ZMYM2: variants seen among roughly 807,000 people sequenced by gnomAD.
ZMYM2 encodes the protein zinc finger MYM-type containing 2.
Under a neutral mutation model 162.8 loss-of-function variants are expected in ZMYM2, and 56 were observed. That is an observed-to-expected ratio of 0.34 (90% CI 0.28 to 0.43). The LOEUF (loss-of-function observed/expected upper bound fraction) is 0.43, where lower values mean the gene tolerates loss of function less well. Ranked by LOEUF, ZMYM2 falls within the 20% of genes least tolerant of loss-of-function variation. The pLI, the probability that ZMYM2 is intolerant of heterozygous loss-of-function variation, is 1.00. For missense variants in ZMYM2, 1,275 were observed against 1,621.8 expected, an observed-to-expected ratio of 0.79 and a Z score of 3.67; for synonymous variants, 510 against 541.6, an observed-to-expected ratio of 0.94 and a Z score of 0.81.
chr13:19,923,438 T>G, the ZMYM2 span, among the ~76,000 whole-genome samples: 1 of 150,932 alleles, frequency 6.6e-6, no homozygotes, highest in Non-Finnish European at 1.5e-5. Context: ...TATCCTTTAT[T>G]CATTGATTTG....
chr13:20,050,133 G>C (rs1955183177), intron 12 of ZMYM2, among the ~76,000 whole-genome samples: 1 of 151,658 alleles, frequency 6.6e-6, no homozygotes, highest in Non-Finnish European at 1.5e-5. Flanking sequence ...CAAGTTTTTG[G>C]ACAAGAGTTG....
In ZMYM2 at chr13:20,063,064, G is replaced by C; in HGVS notation, c.3037+93G>C. On this transcript the variant is annotated intron_variant, in intron 18 of 24. Coordinates refer to ENST00000610343, the MANE Select transcript of ZMYM2 (RefSeq NM_197968.4). ...TTGATGTTTGTGTCATTGCCTTTTA[G>C]CAGTGTTCATATTTTTTATTCTTGT... The C allele has an allele frequency of 3.7e-6, 5 of 1,334,232 alleles. No homozygotes were observed. The South Asian group carries it at 7.8e-5, about 21-fold the overall frequency. 82.6% of individuals were successfully genotyped at this position (1,334,232 alleles called of 1,614,324 possible). A position where few individuals can be genotyped will look rare whatever the true frequency, so the allele number is the denominator to read the frequency against.
chr13:20,069,942 G>A (rs1956955454), intron 21 of ZMYM2, among the ~76,000 whole-genome samples: 1 of 151,850 alleles, frequency 6.6e-6, no homozygotes, highest in Non-Finnish European at 1.5e-5. Flanking sequence ...ATAAGATCTA[G>A]TCAAGGGGTT....
intron 21 of ZMYM2, among the ~76,000 whole-genome samples, chr13:20,074,196 TTGTG>T (rs59855358): frequency 0.047 from 6,601 of 141,242 alleles, 289 homozygotes; most frequent in African/African-American, 0.11. Flanking sequence ...ATGTCAGAAT[TTGTG>T]TGTGTGTGTG....
At chr13:20,027,522 T>C (rs1952692864) in intron 9 of ZMYM2, among the ~76,000 whole-genome samples, 1 of 152,188 alleles carries the variant, frequency 6.6e-6, no homozygotes, top group Non-Finnish European at 1.5e-5. Context: ...ATTATAATTA[T>C]TACTCTGATA....
chr13:20,032,120 C>T (rs1215683846), intron 10 of ZMYM2, among the ~76,000 whole-genome samples: 1 of 152,142 alleles, frequency 6.6e-6, no homozygotes, highest in African/African-American at 2.4e-5. Flanking sequence ...ATCCGCCCAC[C>T]TCAGCCTCCC....
chr13:19,921,810 T>C, the ZMYM2 span, among the ~76,000 whole-genome samples: 1 of 152,200 alleles, frequency 6.6e-6, no homozygotes, highest in Non-Finnish European at 1.5e-5. Context: ...GCAAAATTAA[T>C]ATAAGTGGAG....
chr13:20,007,070 T>C (rs1950798824), intron 6 of ZMYM2, among the ~76,000 whole-genome samples: 1 of 152,222 alleles, frequency 6.6e-6, no homozygotes, highest in South Asian at 2.1e-4. Flanking sequence ...CTGCAAATAT[T>C]TCAAACTTTT....
At chr13:20,013,482 G>A (rs1351152329) in intron 6 of ZMYM2, among the ~76,000 whole-genome samples, 1 of 152,182 alleles carries the variant, frequency 6.6e-6, no homozygotes, top group Non-Finnish European at 1.5e-5. Flanking sequence ...GTGTCAAATA[G>A]ATGTGGTGAA....
rs1329707413 is a variant in ZMYM2 at position 19,968,300 on chromosome 13, T to A, written c.-11+8274T>A. 2.6e-5 allele frequency among the ~76,000 whole-genome samples: 4 copies of A among 152,280 alleles called. No individual in the cohort carries two copies. In the East Asian group the frequency reaches 7.7e-4, roughly 29 times the overall value. ...TCTTCTTGCTCAAGCTGGAGCGCAATGGTGTGATCTCGGTCCACTGCAACC... is the reference window on the plus strand; with the variant it reads ...TCTTCTTGCTCAAGCTGGAGCGCAAAGGTGTGATCTCGGTCCACTGCAACC... On this transcript the variant is annotated intron_variant, in intron 2 of 24. Coordinates refer to ENST00000610343, the MANE Select transcript of ZMYM2 (RefSeq NM_197968.4).
the ZMYM2 span, among the ~76,000 whole-genome samples, chr13:19,883,883 C>G: frequency 2.0e-5 from 3 of 152,132 alleles, no homozygotes; most frequent in Non-Finnish European, 4.4e-5. Context: ...CCGCCTCCCG[C>G]GTAGCTGGGA....
intron 2 of ZMYM2, among the ~76,000 whole-genome samples, chr13:19,980,519 A>G (rs182933811): frequency 8.4e-4 from 128 of 152,172 alleles, no homozygotes; most frequent in Middle Eastern, 3.4e-3. Context: ...TGGGACGCCA[A>G]GGCAGGCAGA....
At position 19,993,079 on chromosome 13, in the gene ZMYM2, A is replaced by G. The variant is rs771749164; in HGVS notation, c.7A>G (p.Thr3Ala). Reference protein sequence around the residue: MDTSSVGGLELTD... With the variant: MDASSVGGLELTD... ...TCCTAACAGGTTCTTTGGCATGGACACAAGTTCAGTGGGAGGATTAGAATT... is the reference window on the plus strand; with the variant it reads ...TCCTAACAGGTTCTTTGGCATGGACGCAAGTTCAGTGGGAGGATTAGAATT... Residue 3 changes from threonine (T) to alanine (A), a missense_variant, in exon 3 of 25, where the codon ACA (threonine) becomes GCA (alanine). Physicochemically the swap from Thr to Ala is moderately conservative, Grantham distance 58. Coordinates refer to ENST00000610343, the MANE Select transcript of ZMYM2 (RefSeq NM_197968.4). The G allele has an allele frequency of 1.3e-6, 2 of 1,598,604 alleles. No homozygotes were observed. The highest frequency in any genetic ancestry group is 1.7e-6 in the Non-Finnish European group (2 of 1,173,730).
intron 9 of ZMYM2, chr13:20,028,008 C>T (rs7318279): frequency 0.08 from 14,356 of 179,196 alleles, 871 homozygotes; most frequent in African/African-American, 0.17. Context: ...GGTTCAAACC[C>T]GTGCATAAAG....
chr13:20,003,341 C>T (rs1950521838), intron 4 of ZMYM2, among the ~76,000 whole-genome samples: 1 of 152,134 alleles, frequency 6.6e-6, no homozygotes, highest in African/African-American at 2.4e-5. Context: ...CTCCATTGGA[C>T]TCTTTGATTT....
At chr13:19,902,283 C>T in the ZMYM2 span, among the ~76,000 whole-genome samples, 2 of 152,148 alleles carry the variant, frequency 1.3e-5, no homozygotes, top group African/African-American at 2.4e-5. Context: ...GCATAGCTTC[C>T]GTTTTTTGAA....
At chr13:19,912,478 G>A in the ZMYM2 span, among the ~76,000 whole-genome samples, 3 of 151,932 alleles carry the variant, frequency 2.0e-5, 1 homozygote, top group Middle Eastern at 0.01. Context: ...GACTACAGGT[G>A]TTCACCACCA....
At chr13:19,923,549 G>T in the ZMYM2 span, among the ~76,000 whole-genome samples, 1 of 150,402 alleles carries the variant, frequency 6.6e-6, no homozygotes, top group African/African-American at 2.4e-5. Context: ...ATAAGAGACG[G>T]GGTTTCCCTA....
intron 1 of ZMYM2, among the ~76,000 whole-genome samples, chr13:19,959,052 AGCTCGGGGCT>A (rs1954835354): frequency 6.6e-6 from 1 of 151,620 alleles, no homozygotes; most frequent in South Asian, 2.1e-4. Context: ...CCTCGGGGGC[AGCTCGGGGCT>A]GCGCTCATGT....
Sources: allele counts gnomAD v4.1 joint callset (sites outside exome capture counted in the v4.1 genomes callset), GRCh38; gene constraint gnomAD v4.1.1; transcripts MANE v1.5; gene names NCBI Gene and HGNC (gene_info 2026-07-23, HGNC 2026-07-21).